SLC15A5: variants seen among roughly 807,000 people sequenced by gnomAD.
SLC15A5 encodes Peptide/histidine transporter ENSP00000340402.
SLC15A5 carries 58 observed loss-of-function variants against 56.1 expected under a neutral mutation model. The ratio of observed to expected loss-of-function variants is 1.03; its 90% CI spans 0.84 to 1.29. The LOEUF (loss-of-function observed/expected upper bound fraction) is 1.29. Ranked by LOEUF, SLC15A5 falls within the 50% of genes most tolerant of loss-of-function variation. The pLI is 0.00. For missense variants in SLC15A5, 681 were observed against 672.1 expected (o/e 1.01, Z -0.15); for synonymous variants, 264 against 250.5 (o/e 1.05, Z -0.51).
rs1488398803 is a variant in SLC15A5, at chr12:16,239,858, C to G, written c.985G>C (p.Gly329Arg). The G allele has an allele frequency of 1.3e-6, 2 of 1,536,558 alleles. No individual in the cohort carries two copies. The highest frequency in any genetic ancestry group is 4.9e-5 in the East Asian group (2 of 40,918). The change falls in exon 5 of 9, where the codon GGA becomes CGA. Residue 329 changes from glycine (G) to arginine (R), a missense_variant. Gly to Arg is a moderately radical substitution (Grantham distance 125). Coordinates refer to ENST00000344941, the MANE Select transcript of SLC15A5 (RefSeq NM_001170798.1). ...YRMCIMQIPS[G>R]YYLQTMNSNL... ...GAATTCATAGTTTGCAGATAATATC[C>G]TGAAGGAATCTGTATTCGAGAGGGA...
intron 7 of SLC15A5, among the ~76,000 whole-genome samples, chr12:16,201,450 T>C (rs1026918648): frequency 6.6e-6 from 1 of 152,116 alleles, no homozygotes; most frequent in Non-Finnish European, 1.5e-5. Flanking sequence ...ACAACTGATT[T>C]TTGACAAAGG....
chr12:16,226,841 T>C (rs796126668), intron 5 of SLC15A5, among the ~76,000 whole-genome samples: 35 of 152,318 alleles, frequency 2.3e-4, no homozygotes, highest in African/African-American at 8.4e-4. Flanking sequence ...TTACTGGACT[T>C]AATCCTTTCG....
intron 7 of SLC15A5, among the ~76,000 whole-genome samples, chr12:16,195,622 G>A (rs943654704): frequency 6.6e-6 from 1 of 152,024 alleles, no homozygotes; most frequent in Non-Finnish European, 1.5e-5. Context: ...GGTGAAGAGG[G>A]TGTGGGACCA....
intron 2 of SLC15A5, among the ~76,000 whole-genome samples, chr12:16,260,357 CTG>C (rs1484374794): frequency 6.6e-6 from 1 of 152,160 alleles, no homozygotes; most frequent in Non-Finnish European, 1.5e-5. Context: ...TAGGAAGAGA[CTG>C]TCTTCTTTCC....
chr12:16,259,898 G>GGGT (rs905593084), intron 2 of SLC15A5, among the ~76,000 whole-genome samples: 10 of 47,334 alleles, frequency 2.1e-4, no homozygotes, highest in East Asian at 6.6e-4. Context: ...GACACCACCC[G>GGGT]GGCGGGGGGT....
chr12:16,195,576 C>T (rs1426617521), intron 7 of SLC15A5, among the ~76,000 whole-genome samples: 1 of 151,972 alleles, frequency 6.6e-6, no homozygotes, highest in Admixed American at 6.6e-5. Flanking sequence ...TTCATCATTT[C>T]CTTGCCTTTT....
At chr12:16,275,913 C>T (rs1864813642) in intron 1 of SLC15A5, among the ~76,000 whole-genome samples, 3 of 151,894 alleles carry the variant, frequency 2.0e-5, no homozygotes, top group Non-Finnish European at 4.4e-5. Context: ...AACTTTTTCT[C>T]GGTACCAAGT....
chr12:16,214,838 C>T (rs1864114574), intron 7 of SLC15A5, among the ~76,000 whole-genome samples: 1 of 152,024 alleles, frequency 6.6e-6, no homozygotes, highest in African/African-American at 2.4e-5. Flanking sequence ...TGGGGATCCC[C>T]ACATTTATAG....
chr12:16,189,748 G>C lies in SLC15A5; in HGVS notation c.1660C>G (p.Leu554Val). 6.5e-7 allele frequency: 1 copy of C among 1,530,382 alleles called. No individual in the cohort carries two copies. Among genetic ancestry groups the C allele is most frequent in the Non-Finnish European group, 8.7e-7 (1 of 1,143,328 alleles). The allele number at this position is 1,530,382 out of a possible 1,614,324, so 94.8% of individuals were successfully genotyped here. A position where few individuals can be genotyped will look rare whatever the true frequency, so the allele number is the denominator to read the frequency against. The change falls in exon 9 of 9, where the codon CTC becomes GTC. Residue 554 changes from leucine (L) to valine (V), a missense_variant. By Grantham distance (32) the Leu-to-Val change is conservative (BLOSUM62 1). Coordinates refer to ENST00000344941, the MANE Select transcript of SLC15A5 (RefSeq NM_001170798.1). ...RGSNLEETLL[L>V]HEKSLKFYGS... Reference sequence around the variant, plus strand: ...TAAAATTTCAGAGATTTTTCGTGGAGGAGAAGTGTTTCTTCAAGATTACTT... The same window carrying C: ...TAAAATTTCAGAGATTTTTCGTGGACGAGAAGTGTTTCTTCAAGATTACTT...
chr12:16,249,213 G>A (rs1864496191), intron 3 of SLC15A5, among the ~76,000 whole-genome samples: 1 of 152,052 alleles, frequency 6.6e-6, no homozygotes, highest in African/African-American at 2.4e-5. Flanking sequence ...TTCCGTGCTT[G>A]ACAGCTAAAC....
At chr12:16,274,524 G>A (rs1266382776) in intron 1 of SLC15A5, among the ~76,000 whole-genome samples, 1 of 152,058 alleles carries the variant, frequency 6.6e-6, no homozygotes, top group African/African-American at 2.4e-5. Context: ...CTCCCCTACA[G>A]AGGCTTTCAC....
At chr12:16,257,576 G>A in intron 3 of SLC15A5, 125 bp downstream of exon 3, 1 of 702,706 alleles carries the variant, frequency 1.4e-6, no homozygotes, top group South Asian at 4.0e-5. Context: ...CTTTATCAAG[G>A]GTAATATCTG....
At position 16,235,340 on chromosome 12, in the gene SLC15A5, A is replaced by G. The variant is rs537796979; in HGVS notation, c.1162+4341T>C. Among the ~76,000 whole-genome samples the G allele has an allele frequency of 1.3e-5, 2 of 150,568 alleles. No homozygotes were observed. Among genetic ancestry groups the G allele is most frequent in the East Asian group, 3.9e-4 (2 of 5,160 alleles). On this transcript the variant is annotated intron_variant, in intron 5 of 8. Transcript: ENST00000344941. The surrounding 1 kb of genome is among the most constrained non-coding windows in gnomAD (Gnocchi z 4.1). Reference sequence around the variant, plus strand: ...TATATGTATATGTATATGTACATATATATGACCTTCTATCTTTTGTTTCTC... The same window carrying G: ...TATATGTATATGTATATGTACATATGTATGACCTTCTATCTTTTGTTTCTC...
intron 2 of SLC15A5, among the ~76,000 whole-genome samples, chr12:16,265,054 C>T (rs1038713806): frequency 2.0e-5 from 3 of 152,112 alleles, no homozygotes; most frequent in Non-Finnish European, 2.9e-5. Flanking sequence ...GTTTTATTTT[C>T]AGTGCATTGG....
At chr12:16,277,129 A>AACAC (rs59004314) in intron 1 of SLC15A5, among the ~76,000 whole-genome samples, 196 bp downstream of exon 1, 98,330 of 150,112 alleles carry the variant, frequency 0.66, 33,953 homozygotes, top group Non-Finnish European at 0.78. Context: ...AACATTCTCT[A>AACAC]ACACACACAC....
intron 3 of SLC15A5, among the ~76,000 whole-genome samples, chr12:16,256,868 A>T (rs56121788): frequency 0.46 from 67,573 of 147,852 alleles, 15,746 homozygotes; most frequent in South Asian, 0.62. Flanking sequence ...CAAAAAAAAA[A>T]AATAATAATA....
chr12:16,233,272 C>G (rs190346421), intron 5 of SLC15A5, among the ~76,000 whole-genome samples: 8 of 151,886 alleles, frequency 5.3e-5, no homozygotes, highest in East Asian at 1.9e-4. Context: ...TATTTTTTTT[C>G]TCTGTAAAAG....
At chr12:16,258,609 CTT>C (rs111712392) in intron 2 of SLC15A5, among the ~76,000 whole-genome samples, 13 of 152,168 alleles carry the variant, frequency 8.5e-5, no homozygotes, top group Admixed American at 3.3e-4. Flanking sequence ...ACATATATAA[CTT>C]ATATACATAT....
intron 5 of SLC15A5, 120 bp downstream of exon 5, chr12:16,239,561 G>C (rs1441007471): frequency 1.1e-5 from 11 of 1,004,166 alleles, no homozygotes; most frequent in Non-Finnish European, 1.4e-5. Flanking sequence ...AAATTCACCT[G>C]TTTTCCATAT....
Sources: gnomAD v4.1 joint callset for allele counts (sites outside exome capture counted in the v4.1 genomes callset) on GRCh38, gnomAD v4.1.1 for gene constraint, Gnocchi (gnomAD v3.1) non-coding constraint, MANE v1.5 for transcripts, NCBI Gene and HGNC (gene_info 2026-07-23, HGNC 2026-07-21) for gene names.